The following PSD3 variants were observed in gnomAD, a reference collection of about 807,000 sequenced individuals.
The protein encoded by PSD3 is pleckstrin and Sec7 domain containing 3, also known as PH and SEC7 domain-containing protein 3.
PSD3 carries 49 observed loss-of-function variants against 105.5 expected under a neutral mutation model. The observed-to-expected ratio is 0.46, with a 90% confidence interval of 0.37 to 0.59. The LOEUF (loss-of-function observed/expected upper bound fraction) is 0.59. PSD3 is among the 20% of genes least tolerant of loss of function. The probability of loss-of-function intolerance (pLI) is 0.00; values close to 1 mark genes in which losing one functional copy is unlikely to be tolerated. For synonymous variants in PSD3, 557 were observed against 457.8 expected, an observed-to-expected ratio of 1.22 and a Z score of -2.77; for missense variants, 1,561 against 1,263.8, an observed-to-expected ratio of 1.24 and a Z score of -3.57.
intron 9 of PSD3, among the ~76,000 whole-genome samples, chr8:18,752,530 T>TATA (rs543288863): frequency 3.7e-4 from 18 of 48,202 alleles, no homozygotes; most frequent in African/African-American, 9.9e-4. Context: ...ATATATATAA[T>TATA]TATATATTAT....
At chr8:18,734,589 G>A (rs1804007567) in intron 9 of PSD3, among the ~76,000 whole-genome samples, 1 of 152,100 alleles carries the variant, frequency 6.6e-6, no homozygotes, top group African/African-American at 2.4e-5. Context: ...TCATTTGGAG[G>A]CACTAACAGT....
intron 2 of PSD3, among the ~76,000 whole-genome samples, chr8:18,881,698 A>T (rs1376730712): frequency 1.3e-5 from 2 of 152,168 alleles, no homozygotes; most frequent in Non-Finnish European, 2.9e-5. Flanking sequence ...TATTTTCTAG[A>T]ACCTGGGATC....
chr8:18,537,588 G>A (rs1799911534), intron 15 of PSD3, among the ~76,000 whole-genome samples: 1 of 152,174 alleles, frequency 6.6e-6, no homozygotes. Context: ...AAGACGTAAG[G>A]AAGAGTCTTT....
intron 3 of PSD3, 36 bp from the exon 4 acceptor site, chr8:18,868,105 AG>A: frequency 1.9e-6 from 3 of 1,542,940 alleles, no homozygotes; most frequent in Non-Finnish European, 1.7e-6. Context: ...TTCCAATATT[AG>A]GTTAATGTCT....
At chr8:18,776,579 T>C (rs950387138) in intron 8 of PSD3, among the ~76,000 whole-genome samples, 68 of 151,894 alleles carry the variant, frequency 4.5e-4, no homozygotes, top group African/African-American at 1.6e-3. Flanking sequence ...GGTTTCACCA[T>C]ATTGGCCAGG....
At chr8:18,776,386 T>C (rs1009508835) in intron 8 of PSD3, among the ~76,000 whole-genome samples, 3 of 145,650 alleles carry the variant, frequency 2.1e-5, no homozygotes, top group Non-Finnish European at 4.5e-5. Context: ...ATATATAATT[T>C]TTTTTTTTTG....
At chr8:18,860,579 T>C (rs1013229557) in intron 4 of PSD3, among the ~76,000 whole-genome samples, 2 of 152,126 alleles carry the variant, frequency 1.3e-5, no homozygotes, top group Admixed American at 1.3e-4. Flanking sequence ...AAGATTAAAG[T>C]ACTGTAAACA....
chr8:18,941,869 C>T (rs10105785), intron 1 of PSD3, among the ~76,000 whole-genome samples: 26,691 of 151,734 alleles, frequency 0.18, 2,536 homozygotes, highest in African/African-American at 0.25. Context: ...GACAGGGTTT[C>T]ACCATGCTGG....
intron 4 of PSD3, among the ~76,000 whole-genome samples, chr8:18,823,145 C>A (rs1335995309): frequency 6.6e-6 from 1 of 151,150 alleles, no homozygotes; most frequent in Non-Finnish European, 1.5e-5. Context: ...GAAAAGCATA[C>A]CTGAAGCCAA....
chr8:18,982,330 T>A (rs1429782352), intron 1 of PSD3, among the ~76,000 whole-genome samples: 1 of 152,200 alleles, frequency 6.6e-6, no homozygotes, highest in Non-Finnish European at 1.5e-5. Flanking sequence ...AGTCTTGAAC[T>A]CACCCCTAAA....
chr8:18,821,227 C>G (rs1353197436), intron 4 of PSD3, among the ~76,000 whole-genome samples: 1 of 150,206 alleles, frequency 6.7e-6, no homozygotes, highest in Non-Finnish European at 1.5e-5. Context: ...ATTCCTCAAA[C>G]AAGACCATTC....
intron 2 of PSD3, among the ~76,000 whole-genome samples, chr8:18,929,414 G>A (rs1383825563): frequency 6.6e-6 from 1 of 152,014 alleles, no homozygotes; most frequent in African/African-American, 2.4e-5. Flanking sequence ...CAGAACATAT[G>A]TCACCATGAT....
At position 19,074,611 on chromosome 8, in the gene PSD3, A is replaced by ATTTTTTTTT. The variant is rs1206111403; in HGVS notation, c.324+9586_324+9594dup. Among the ~76,000 whole-genome samples, 2 of 24,228 alleles carry ATTTTTTTTT rather than the reference A, an allele frequency of 8.3e-5. 1 individual carries two copies. Among genetic ancestry groups the ATTTTTTTTT allele is most frequent in the African/African-American group, 3.2e-4 (2 of 6,232 alleles). 15.9% of individuals were successfully genotyped at this position (24,228 alleles called of 152,430 possible). A position where few individuals can be genotyped will look rare whatever the true frequency, so the allele number is the denominator to read the frequency against. ...TATATACATATATATATATATATAT[A>ATTTTTTTTT]TTTTTTTTTTTTTTTTTTTTTTTTT... On this transcript the variant is annotated intron_variant, in intron 1 of 1. Transcript: ENST00000521475.
chr8:18,686,727 T>C (rs1196194556), intron 9 of PSD3, among the ~76,000 whole-genome samples: 1 of 152,158 alleles, frequency 6.6e-6, no homozygotes, highest in Non-Finnish European at 1.5e-5. Context: ...GCCTGACTCT[T>C]CATTCCAGGT....
chr8:18,781,193 T>C (rs922949387), intron 8 of PSD3, among the ~76,000 whole-genome samples: 1 of 152,214 alleles, frequency 6.6e-6, no homozygotes, highest in East Asian at 1.9e-4. Flanking sequence ...TTCCAGTTTA[T>C]TTTTACTTAA....
At chr8:18,791,293 C>A (rs1434565393) in intron 8 of PSD3, among the ~76,000 whole-genome samples, 1 of 151,992 alleles carries the variant, frequency 6.6e-6, no homozygotes, top group Non-Finnish European at 1.5e-5. Context: ...CAAAAAGAGG[C>A]AAGCTGGAGG....
chr8:18,600,149 T>A (rs1444663325), intron 12 of PSD3, among the ~76,000 whole-genome samples: 1 of 152,158 alleles, frequency 6.6e-6, no homozygotes, highest in East Asian at 1.9e-4. Context: ...TGCAGCAGGA[T>A]TGAGAAAGAT....
intron 2 of PSD3, among the ~76,000 whole-genome samples, chr8:18,917,547 T>C (rs1002310643): frequency 1.3e-5 from 2 of 152,214 alleles, no homozygotes; most frequent in Non-Finnish European, 2.9e-5. Context: ...TAACACTGTT[T>C]TGTTATATTG....
At chr8:19,065,358 G>A (rs1042724116) in intron 1 of PSD3, among the ~76,000 whole-genome samples, 2 of 152,094 alleles carry the variant, frequency 1.3e-5, no homozygotes, top group Admixed American at 6.6e-5. Flanking sequence ...CATCAGCTGG[G>A]TGTCCTCCAA....
Sources: allele counts gnomAD v4.1 joint callset (sites outside exome capture counted in the v4.1 genomes callset), GRCh38; gene constraint gnomAD v4.1.1; transcripts MANE v1.5; gene names NCBI Gene and HGNC (gene_info 2026-07-23, HGNC 2026-07-21).